Variants in PPIL2 observed in about 807,000 individuals in gnomAD.
PPIL2 encodes the protein peptidylprolyl isomerase like 2, also known as RING-type E3 ubiquitin-protein ligase PPIL2.
Under a neutral mutation model 75.2 loss-of-function variants are expected in PPIL2, and 50 were observed. The observed-to-expected ratio is 0.66, with a 90% CI of 0.53 to 0.84. PPIL2 has a LOEUF of 0.84. Ranked by LOEUF, PPIL2 falls within the 40% of genes least tolerant of loss-of-function variation. The pLI is 0.00. For synonymous variants in PPIL2, 245 were observed against 258.8 expected, an observed-to-expected ratio of 0.95 and a Z score of 0.51; for missense variants, 590 against 685.0, an observed-to-expected ratio of 0.86 and a Z score of 1.55.
At position 21,669,911 on chromosome 22, in the gene PPIL2, A is replaced by C. The variant is rs1332100631; in HGVS notation, c.33-2A>C. ...GTAGCATTATCTTCCTCTCTTCTTC[A>C]GGTACATTACCTGTGCTGAATACAC... On this transcript the variant is annotated splice_acceptor_variant, in intron 1 of 19. Coordinates refer to ENST00000398831, the MANE Select transcript of PPIL2 (RefSeq NM_014337.4). LOFTEE classifies it high-confidence loss of function. The C allele has an allele frequency of 6.2e-7, 1 of 1,613,592 alleles. No homozygotes were observed.
intron 6 of PPIL2, among the ~76,000 whole-genome samples, chr22:21,680,829 CAAAAAAAAAAA>C (rs762340467): frequency 3.9e-5 from 2 of 50,820 alleles, no homozygotes; most frequent in Admixed American, 3.0e-4. Context: ...GACTCCATCT[CAAAAAAAAAAA>C]AAAAAAAAAA....
intron 14 of PPIL2, 53 bp from the exon 15 acceptor site, chr22:21,688,679 C>T: frequency 6.4e-7 from 1 of 1,557,400 alleles, no homozygotes; most frequent in Non-Finnish European, 8.8e-7. Context: ...GTTTCTAGTT[C>T]TGCCTCGGCT....
intron 1 of PPIL2, among the ~76,000 whole-genome samples, chr22:21,668,634 A>T (rs996608459): frequency 4.5e-4 from 69 of 151,866 alleles, no homozygotes; most frequent in Middle Eastern, 3.4e-3. Context: ...TCTCAAAAAA[A>T]AAATAAATAA....
At chr22:21,675,408 C>T (rs962442477) in intron 6 of PPIL2, among the ~76,000 whole-genome samples, 3 of 152,044 alleles carry the variant, frequency 2.0e-5, no homozygotes, top group African/African-American at 4.8e-5. Flanking sequence ...TGGTGGCGGG[C>T]GCCTGTAGTC....
chr22:21,696,590 G>A lies in PPIL2; in HGVS notation c.*1100G>A. ...TCTTCAGCCCAGGCCAGTGGTCAGT[G>A]TTCTCATGTCATGGACTCTCCTTGC... On this transcript the variant is annotated 3_prime_UTR_variant, in exon 20 of 20. Transcript: ENST00000398831. The A allele has an allele frequency of 1.4e-6, 2 of 1,453,958 alleles. No individual in the cohort carries two copies. The highest frequency in any genetic ancestry group is 1.4e-5 in the African/African-American group (1 of 70,768). The allele number at this position is 1,453,958 out of a possible 1,614,324, so 90.1% of individuals were successfully genotyped here. A position where few individuals can be genotyped will look rare whatever the true frequency, so the allele number is the denominator to read the frequency against.
At chr22:21,678,039 G>A (rs1303923237) in intron 6 of PPIL2, among the ~76,000 whole-genome samples, 2 of 152,178 alleles carry the variant, frequency 1.3e-5, no homozygotes, top group South Asian at 2.1e-4. Context: ...CTGGAACAGC[G>A]TGTGCTAGCG....
chr22:21,692,036 C>T (rs1015380248), intron 15 of PPIL2, among the ~76,000 whole-genome samples: 6 of 149,774 alleles, frequency 4.0e-5, no homozygotes, highest in Admixed American at 6.7e-5. Flanking sequence ...GTGCCGCCAG[C>T]GCCGGGACCC....
At chr22:21,668,354 C>T (rs1601497752) in intron 1 of PPIL2, among the ~76,000 whole-genome samples, 1 of 151,744 alleles carries the variant, frequency 6.6e-6, no homozygotes, top group Non-Finnish European at 1.5e-5. Context: ...GGGCCAGGCA[C>T]GGTGGCTCAC....
At position 21,696,655 on chromosome 22, in the gene PPIL2, A is replaced by C. The variant is rs2067945083; in HGVS notation, c.*1165A>C. ...TTGGGCTCCCTGTTGCCCTCAGGCC[A>C]CCCCCCACTTCTAGTTCTTCACACT... On this transcript the variant is annotated 3_prime_UTR_variant, in exon 20 of 20. Transcript: ENST00000398831. 2 of 1,524,066 alleles carry C rather than the reference A, an allele frequency of 1.3e-6. No individual in the cohort carries two copies. The highest frequency in any genetic ancestry group is 2.0e-5 in the Admixed American group (1 of 50,422). The allele number at this position is 1,524,066 out of a possible 1,614,324, so 94.4% of individuals were successfully genotyped here. A position where few individuals can be genotyped will look rare whatever the true frequency, so the allele number is the denominator to read the frequency against.
At chr22:21,675,871 C>T (rs1014933026) in intron 6 of PPIL2, among the ~76,000 whole-genome samples, 1 of 152,220 alleles carries the variant, frequency 6.6e-6, no homozygotes, top group Non-Finnish European at 1.5e-5. Flanking sequence ...CCCAGTGCTG[C>T]GGCTCCTGCT....
intron 15 of PPIL2, among the ~76,000 whole-genome samples, chr22:21,690,648 C>CA (rs1391310848): frequency 6.6e-6 from 1 of 152,148 alleles, no homozygotes. Flanking sequence ...TTTTCAGTTT[C>CA]TGTCTTTGCT....
In PPIL2 at chr22:21,688,106, G is replaced by T; in HGVS notation, c.1021G>T (p.Gly341Cys). 6.2e-7 allele frequency: 1 copy of T among 1,614,208 alleles called. No individual in the cohort carries two copies. The highest frequency in any genetic ancestry group is 2.2e-5 in the East Asian group (1 of 44,890). The change falls in exon 14 of 20, where the codon GGT becomes TGT. Residue 341 changes from glycine to cysteine, a missense_variant and splice_region_variant. Coordinates refer to ENST00000398831, the MANE Select transcript of PPIL2 (RefSeq NM_014337.4). ...QGGDPTGTGT[G>C]GESYWGKPFK... Reference sequence around the variant, plus strand: ...GGGCGACCCCACAGGCACAGGCACGGGTAGGTACTGGTGCTGGGCCCCTCT... The same window carrying T: ...GGGCGACCCCACAGGCACAGGCACGTGTAGGTACTGGTGCTGGGCCCCTCT...
intron 15 of PPIL2, among the ~76,000 whole-genome samples, 197 bp downstream of exon 15, chr22:21,689,046 C>T (rs956839692): frequency 1.3e-5 from 2 of 152,228 alleles, no homozygotes; most frequent in African/African-American, 4.8e-5. Flanking sequence ...GCTGCCCGCA[C>T]CGGGTGTGTC....
intron 15 of PPIL2, among the ~76,000 whole-genome samples, chr22:21,693,299 T>G (rs945494139): frequency 6.6e-6 from 1 of 152,216 alleles, no homozygotes; most frequent in Non-Finnish European, 1.5e-5. Context: ...CTACCTGCCT[T>G]GGCCTCCCAA....
chr22:21,695,286 G>A (rs2067871638), intron 19 of PPIL2, 108 bp from the exon 20 acceptor site: 2 of 1,358,260 alleles, frequency 1.5e-6, no homozygotes, highest in African/African-American at 2.9e-5. Context: ...TGTGGGAGCA[G>A]CAGGTGGGAG....
chr22:21,690,927 A>G (rs1039005962), intron 15 of PPIL2, among the ~76,000 whole-genome samples: 3 of 149,768 alleles, frequency 2.0e-5, no homozygotes, highest in Admixed American at 2.0e-4. Flanking sequence ...CCAGCCTGTG[A>G]AACTGCTGAC....
chr22:21,686,966 G>C lies in PPIL2; in HGVS notation c.865G>C (p.Gly289Arg). 1 of 1,612,834 alleles carries C rather than the reference G, an allele frequency of 6.2e-7. No homozygotes were observed. The highest frequency in any genetic ancestry group is 8.5e-7 in the Non-Finnish European group (1 of 1,179,668). ...KGYVRLHTNK[G>R]DLNLELHCDL... Reference sequence around the variant, plus strand: ...CTACGTGCGGCTGCACACCAACAAGGGCGACCTCAACCTGGAGCTGCACTG... The same window carrying C: ...CTACGTGCGGCTGCACACCAACAAGCGCGACCTCAACCTGGAGCTGCACTG... The change falls in exon 12 of 20, where the codon GGC becomes CGC. Residue 289 changes from glycine (G) to arginine (R), a missense_variant. By Grantham distance (125) the Gly-to-Arg change is moderately radical (BLOSUM62 -2). Coordinates refer to ENST00000398831, the MANE Select transcript of PPIL2 (RefSeq NM_014337.4).
chr22:21,673,236 C>G (rs1385080763), intron 5 of PPIL2, among the ~76,000 whole-genome samples: 1 of 152,220 alleles, frequency 6.6e-6, no homozygotes, highest in Non-Finnish European at 1.5e-5. Context: ...GTGATGTCTG[C>G]TGCTGGGAGC....
At chr22:21,698,168 G>C (rs776656193), downstream of PPIL2, 1 of 150,952 alleles carries the variant, frequency 6.6e-6, no homozygotes, top group Non-Finnish European at 1.5e-5. Context: ...CCTGAAGCCA[G>C]CTCATGGTCT....
Sources: gnomAD v4.1 joint callset for allele counts (sites outside exome capture counted in the v4.1 genomes callset) on GRCh38, gnomAD v4.1.1 for gene constraint, MANE v1.5 for transcripts, NCBI Gene and HGNC (gene_info 2026-07-23, HGNC 2026-07-21) for gene names.